Variants in KLHDC4 observed in about 807,000 individuals in gnomAD.
The protein encoded by KLHDC4 is kelch domain containing 4.
A neutral mutation model predicts 62.4 loss-of-function variants in KLHDC4; 90 were observed. The observed-to-expected ratio is 1.44, with a 90% CI of 1.22 to 1.72. The LOEUF (loss-of-function observed/expected upper bound fraction) is 1.72, where lower values mean the gene tolerates loss of function less well. Ranked by LOEUF, KLHDC4 falls within the 40% of genes most tolerant of loss-of-function variation. The pLI, the probability that KLHDC4 is intolerant of heterozygous loss-of-function variation, is 0.00. For missense variants in KLHDC4, 1,025 were observed against 699.7 expected (o/e 1.47, Z -5.25); for synonymous variants, 386 against 284.4 (o/e 1.36, Z -3.59).
chr16:87,764,830 C>CA (rs35356541), intron 1 of KLHDC4, among the ~76,000 whole-genome samples: 5,149 of 80,204 alleles, frequency 0.064, 288 homozygotes, highest in African/African-American at 0.17. Context: ...AAGACTCTGT[C>CA]AAAAAAAAAA....
chr16:87,751,796 G>A (rs116983003), intron 4 of KLHDC4, among the ~76,000 whole-genome samples: 5,986 of 150,930 alleles, frequency 0.04, 186 homozygotes, highest in Admixed American at 0.09. Flanking sequence ...GAAGTCGGCC[G>A]GGCACGGTGG....
At chr16:87,713,947 C>T (rs994034951) in intron 8 of KLHDC4, among the ~76,000 whole-genome samples, 4 of 152,046 alleles carry the variant, frequency 2.6e-5, no homozygotes, top group Non-Finnish European at 4.4e-5. Flanking sequence ...GAGGCCACGG[C>T]CGTTCTTGGA....
intron 4 of KLHDC4, among the ~76,000 whole-genome samples, chr16:87,753,783 AAGAG>A (rs965593966): frequency 6.7e-6 from 1 of 150,164 alleles, no homozygotes; most frequent in African/African-American, 2.5e-5. Flanking sequence ...CCTGGGCAAC[AAGAG>A]AGAGACTCCA....
At chr16:87,758,092 T>C (rs571518417) in intron 2 of KLHDC4, among the ~76,000 whole-genome samples, 1 of 152,320 alleles carries the variant, frequency 6.6e-6, no homozygotes, top group Admixed American at 6.5e-5. Context: ...CAAGTGAGTT[T>C]GGGAAATCTG....
At chr16:87,744,421 A>C (rs146426350) in intron 5 of KLHDC4, among the ~76,000 whole-genome samples, 2,692 of 151,590 alleles carry the variant, frequency 0.018, 85 homozygotes, top group African/African-American at 0.062. Context: ...GTCTCCAAAA[A>C]AAAAAAAAAA....
At chr16:87,736,909 G>C (rs536680972) in intron 5 of KLHDC4, among the ~76,000 whole-genome samples, 1 of 151,978 alleles carries the variant, frequency 6.6e-6, no homozygotes, top group East Asian at 1.9e-4. Context: ...TGGATCACCT[G>C]AGGTCAGGAG....
chr16:87,751,642 G>A (rs1420624156), intron 4 of KLHDC4, among the ~76,000 whole-genome samples: 1 of 152,132 alleles, frequency 6.6e-6, no homozygotes, highest in East Asian at 1.9e-4. Flanking sequence ...TTCCTGGCCA[G>A]GTGCAGTGGC....
chr16:87,701,950 C>G, exon 1 of KLHDC4: 2 of 456,328 alleles, frequency 4.4e-6, no homozygotes, highest in South Asian at 1.5e-5. Context: ...AGATGGGGCT[C>G]TGCTCTGTCC....
chr16:87,738,344 C>A (rs894847755), intron 5 of KLHDC4, among the ~76,000 whole-genome samples: 6 of 147,802 alleles, frequency 4.1e-5, no homozygotes, highest in African/African-American at 1.3e-4. Context: ...TATGCCTGCG[C>A]ACACACGGAC....
intron 5 of KLHDC4, chr16:87,739,752 C>T (rs1191101180): frequency 6.6e-6 from 1 of 152,376 alleles, no homozygotes; most frequent in African/African-American, 2.4e-5. Flanking sequence ...GAGCCCGTCA[C>T]AGAGGCCACG....
rs574356818 is a variant in KLHDC4 at position 87,717,128 on chromosome 16, C to A, written c.760-2555G>T. 2.0e-4 allele frequency among the ~76,000 whole-genome samples: 30 copies of A among 151,312 alleles called. No individual in the cohort carries two copies. In the South Asian group the frequency reaches 6.0e-3, roughly 30 times the overall value. ...CATCTGTAGTCTCAGCTACTCCCAA[C>A]GCTGAGGTGGGAGGACTACTTGAGC... On this transcript the variant is annotated intron_variant, in intron 7 of 11. Coordinates refer to ENST00000270583, the MANE Select transcript of KLHDC4 (RefSeq NM_017566.4).
At chr16:87,758,652 A>G (rs1270786401) in intron 2 of KLHDC4, among the ~76,000 whole-genome samples, 1 of 152,158 alleles carries the variant, frequency 6.6e-6, no homozygotes, top group Non-Finnish European at 1.5e-5. Flanking sequence ...CATAAAATAC[A>G]CTAACACTAA....
At chr16:87,736,181 G>C (rs1597193607) in intron 5 of KLHDC4, among the ~76,000 whole-genome samples, 1 of 152,164 alleles carries the variant, frequency 6.6e-6, no homozygotes, top group African/African-American at 2.4e-5. Flanking sequence ...GCACTGACGG[G>C]AGAGCCCAAT....
intron 5 of KLHDC4, among the ~76,000 whole-genome samples, chr16:87,748,275 C>A (rs1358242420): frequency 6.6e-6 from 1 of 152,192 alleles, no homozygotes; most frequent in Admixed American, 6.5e-5. Flanking sequence ...GGTTTCTACA[C>A]CAACTCGACA....
intron 1 of KLHDC4, among the ~76,000 whole-genome samples, chr16:87,764,184 C>G (rs1165325440): frequency 6.6e-6 from 1 of 152,194 alleles, no homozygotes. Context: ...AGAGATGATC[C>G]TCTGTGGGTC....
Position 87,757,646 on chromosome 16 carries a change from T to C in KLHDC4, c.192-1169A>G, listed in dbSNP as rs2045193185. On this transcript the variant is annotated intron_variant, in intron 2 of 11. Coordinates refer to ENST00000270583, the MANE Select transcript of KLHDC4 (RefSeq NM_017566.4). ...GGCTCACACTTGTAATCCCAGCACT[T>C]TGGGAGGCTGAGGCGGGCAGATCAC... 2.0e-5 allele frequency among the ~76,000 whole-genome samples: 3 copies of C among 151,902 alleles called. No homozygotes were observed. The South Asian group carries it at 6.2e-4, about 32-fold the overall frequency.
intron 5 of KLHDC4, chr16:87,740,655 T>G (rs536464306): frequency 2.8e-4 from 42 of 152,284 alleles, no homozygotes; most frequent in Admixed American, 4.6e-4. Flanking sequence ...CAGTCACTCT[T>G]GCCAATAACC....
At chr16:87,756,334 A>G in intron 3 of KLHDC4, 65 bp downstream of exon 3, 1 of 1,238,000 alleles carries the variant, frequency 8.1e-7, no homozygotes, top group South Asian at 1.2e-5. Context: ...CACTGCCTTA[A>G]GTTAACTTTC....
In KLHDC4 at chr16:87,765,864, C is replaced by A. The variant is rs1202989898; in HGVS notation, c.27G>T (p.Lys9Asn). Reference sequence around the variant, plus strand: ...CCGTCTTCTCCGCGCCGCGGCCCTTCTTCTCCTTCTTGCCCTTCTTGCCCA... The same window carrying A: ...CCGTCTTCTCCGCGCCGCGGCCCTTATTCTCCTTCTTGCCCTTCTTGCCCA... MGKKGKKEKKGRGAEKTAA... is the reference protein window; with the variant it reads MGKKGKKENKGRGAEKTAA... The change falls in exon 1 of 12, where the codon AAG becomes AAT. Residue 9 changes from lysine to asparagine, a missense_variant. Transcript: ENST00000270583. 6.4e-7 allele frequency: 1 copy of A among 1,552,554 alleles called. No individual in the cohort carries two copies.
Sources: gnomAD v4.1 joint callset for allele counts (sites outside exome capture counted in the v4.1 genomes callset) on GRCh38, gnomAD v4.1.1 for gene constraint, MANE v1.5 for transcripts, NCBI Gene and HGNC (gene_info 2026-07-23, HGNC 2026-07-21) for gene names.